Variants in PRKAR2A observed in about 807,000 individuals in gnomAD.
PRKAR2A encodes protein kinase cAMP-dependent type II regulatory subunit alpha, also known as cAMP-dependent protein kinase type II-alpha regulatory subunit.
In PRKAR2A, 29 loss-of-function variants were observed where a neutral mutation model predicts 51.9. The ratio of observed to expected loss-of-function variants is 0.56; its 90% CI spans 0.42 to 0.76. The LOEUF (loss-of-function observed/expected upper bound fraction) is 0.76, where lower values mean the gene tolerates loss of function less well. PRKAR2A is among the 30% of genes least tolerant of loss of function. PRKAR2A has a pLI of 0.00. For synonymous variants in PRKAR2A, 178 were observed against 186.2 expected (o/e 0.96, Z 0.36); for missense variants, 445 against 512.1 (o/e 0.87, Z 1.26).
At position 48,789,308 on chromosome 3, in the gene PRKAR2A, A is replaced by T. The variant is rs114134011; in HGVS notation, c.435+1236T>A. 4.1e-3 allele frequency among the ~76,000 whole-genome samples: 619 copies of T among 152,178 alleles called. 8 individuals are homozygous for T. Among genetic ancestry groups the T allele is most frequent in the African/African-American group, 0.014 (596 of 41,548 alleles). ...GAAACCACAGATAGTGTTGAACCCT[A>T]CTGATGTCAATTGGAACACATTTCT... On this transcript the variant is annotated intron_variant, in intron 4 of 10. Coordinates refer to ENST00000265563, the MANE Select transcript of PRKAR2A (RefSeq NM_004157.4).
intron 5 of PRKAR2A, among the ~76,000 whole-genome samples, chr3:48,776,337 GA>G (rs1186384293): frequency 9.2e-5 from 14 of 152,028 alleles, no homozygotes; most frequent in Non-Finnish European, 1.8e-4. Flanking sequence ...CATTCCAAAA[GA>G]GATAATCAAA....
intron 1 of PRKAR2A, among the ~76,000 whole-genome samples, chr3:48,835,965 C>A (rs1201402456): frequency 6.6e-6 from 1 of 152,078 alleles, no homozygotes; most frequent in African/African-American, 2.4e-5. Context: ...AGTCTAGAAA[C>A]TGACTCACAT....
Position 48,747,041 on chromosome 3 carries a change from CTTTTTTTTTT to C in PRKAR2A, c.*4534_*4543del, listed in dbSNP as rs11358464. The C allele has an allele frequency of 1.1e-5, 1 of 88,370 alleles. No homozygotes were observed. Among genetic ancestry groups the C allele is most frequent in the African/African-American group, 4.4e-5 (1 of 22,742 alleles). The allele number at this position is 88,370 out of a possible 1,614,324, so 5.5% of individuals were successfully genotyped here. Reference sequence around the variant, plus strand: ...CATGAGGTTAGTGACAGTTCTTGTCCTTTTTTTTTTTTTTTTTTTTTTTTTTAAAGTATAA... The same window carrying C: ...CATGAGGTTAGTGACAGTTCTTGTCCTTTTTTTTTTTTTTTTAAAGTATAA... On this transcript the variant is annotated 3_prime_UTR_variant, in exon 11 of 11. Coordinates refer to ENST00000265563, the MANE Select transcript of PRKAR2A (RefSeq NM_004157.4).
In PRKAR2A at chr3:48,787,543, T is replaced by C. The variant is rs117092536; in HGVS notation, c.435+3001A>G. On this transcript the variant is annotated intron_variant, in intron 4 of 10. Coordinates refer to ENST00000265563, the MANE Select transcript of PRKAR2A (RefSeq NM_004157.4). ...CTCCAACTCTAAGAAAACTGTTAGA[T>C]TGACATAGAAACTTTCCTTATAGTA... Among the ~76,000 whole-genome samples, 22 of 152,298 alleles carry C rather than the reference T, an allele frequency of 1.4e-4. No homozygotes were observed. In the East Asian group the frequency reaches 2.5e-3, roughly 17 times the overall value.
intron 4 of PRKAR2A, 105 bp downstream of exon 4, chr3:48,790,439 C>T (rs925959641): frequency 4.4e-6 from 3 of 680,550 alleles, no homozygotes; most frequent in South Asian, 2.9e-5. Flanking sequence ...AGGTTTTATG[C>T]TTAACACGGC....
Position 48,751,617 on chromosome 3 carries a change from A to C in PRKAR2A, c.1183T>G (p.Ser395Ala), listed in dbSNP as rs1311011907. ...CCGAGGTTGCCCAGATCCACGCTGG[A>C]GCCAAACATCTTCACCAGCTGTTCC... The part of the protein sequence containing the change: ...YEEQLVKMFG[S>A]SVDLGNLGQ Residue 395 changes from serine (S) to alanine (A), a missense_variant, in exon 11 of 11, where the codon TCC becomes GCC. Coordinates refer to ENST00000265563, the MANE Select transcript of PRKAR2A (RefSeq NM_004157.4). The C allele has an allele frequency of 6.2e-7, 1 of 1,613,542 alleles. No individual in the cohort carries two copies.
chr3:48,788,704 T>G (rs1276676345), intron 4 of PRKAR2A, among the ~76,000 whole-genome samples: 1 of 152,044 alleles, frequency 6.6e-6, no homozygotes, highest in Non-Finnish European at 1.5e-5. Flanking sequence ...CCTCCCTCCT[T>G]CCACCATGTG....
chr3:48,785,637 T>A (rs1444598732), intron 4 of PRKAR2A, among the ~76,000 whole-genome samples: 1 of 152,162 alleles, frequency 6.6e-6, no homozygotes, highest in Non-Finnish European at 1.5e-5. Flanking sequence ...CTTCAAGTGA[T>A]CCACCTGCCT....
intron 1 of PRKAR2A, among the ~76,000 whole-genome samples, chr3:48,832,786 T>C (rs1294338939): frequency 6.6e-6 from 1 of 152,206 alleles, no homozygotes; most frequent in Non-Finnish European, 1.5e-5. Flanking sequence ...ATTATTTTCC[T>C]ACAAGTTGCT....
At chr3:48,832,243 G>A (rs1039879079) in intron 1 of PRKAR2A, among the ~76,000 whole-genome samples, 2 of 147,606 alleles carry the variant, frequency 1.4e-5, no homozygotes, top group East Asian at 2.0e-4. Context: ...GCAGCGAGCC[G>A]AGATCATGCC....
Position 48,765,069 on chromosome 3 carries a change from G to A in PRKAR2A, c.808C>T (p.Arg270Ter), listed in dbSNP as rs199701451. The A allele has an allele frequency of 5.0e-6, 8 of 1,613,920 alleles. No homozygotes were observed. Among genetic ancestry groups the A allele is most frequent in the Non-Finnish European group, 4.2e-6 (5 of 1,179,918 alleles). The stretch of plus-strand genomic sequence containing the variant: ...CCTATTACATCCACAATCTTCATTC[G>A]TTCTGACACCTGAAACAACAAATTC... Reference protein sequence around the residue: ...PLLKSLEVSERMKIVDVIGEK... With the variant: ...PLLKSLEVSE Residue 270 changes from arginine to a stop codon, truncating the protein, a stop_gained, in exon 8 of 11, where the codon CGA becomes TGA. Transcript: ENST00000265563. LOFTEE classifies it high-confidence loss of function.
chr3:48,766,598 A>G (rs2081946922), intron 6 of PRKAR2A, among the ~76,000 whole-genome samples: 1 of 152,108 alleles, frequency 6.6e-6, no homozygotes, highest in African/African-American at 2.4e-5. Flanking sequence ...TAAAAAGTCT[A>G]CAGTTCAAGA....
chr3:48,829,111 T>C (rs2083122386), intron 1 of PRKAR2A, among the ~76,000 whole-genome samples: 4 of 151,912 alleles, frequency 2.6e-5, no homozygotes, highest in Admixed American at 1.3e-4. Context: ...GCTGGGATTA[T>C]AGGCGTGAGC....
At chr3:48,829,847 G>GTGTATATA (rs777532795) in intron 1 of PRKAR2A, among the ~76,000 whole-genome samples, 1,591 of 63,542 alleles carry the variant, frequency 0.025, 29 homozygotes, top group Non-Finnish European at 0.033. Context: ...ATGCGTGTGT[G>GTGTATATA]TATATATATA....
intron 1 of PRKAR2A, among the ~76,000 whole-genome samples, chr3:48,846,010 A>G (rs561190642): frequency 2.0e-5 from 3 of 151,964 alleles, no homozygotes; most frequent in Admixed American, 1.3e-4. Context: ...ACAGTCTCCA[A>G]CTTGTTTCCT....
intron 5 of PRKAR2A, among the ~76,000 whole-genome samples, chr3:48,782,693 C>A (rs569002792): frequency 6.6e-6 from 1 of 152,096 alleles, no homozygotes; most frequent in Non-Finnish European, 1.5e-5. Flanking sequence ...TCACCTCAAG[C>A]GATCCACCGG....
intron 5 of PRKAR2A, among the ~76,000 whole-genome samples, chr3:48,780,749 T>C (rs2082182048): frequency 6.6e-6 from 1 of 151,964 alleles, no homozygotes; most frequent in African/African-American, 2.4e-5. Context: ...AACCAATGTA[T>C]CTAGTACAGC....
rs1039646727 is a variant in PRKAR2A, at chr3:48,847,601, G to T, written c.-5C>A. 6.8e-7 allele frequency: 1 copy of T among 1,478,728 alleles called. No homozygotes were observed. The highest frequency in any genetic ancestry group is 8.9e-7 in the Non-Finnish European group (1 of 1,122,032). The allele number at this position is 1,478,728 out of a possible 1,614,324, so 91.6% of individuals were successfully genotyped here. ...CGGGATCTGGATGTGGCTCATGCCG[G>T]CGGCGGCCGAAGGGATAGACGGGTT... On this transcript the variant is annotated 5_prime_UTR_variant, in exon 1 of 11. Coordinates refer to ENST00000265563, the MANE Select transcript of PRKAR2A (RefSeq NM_004157.4). The surrounding 1 kb of genome is among the most constrained non-coding windows in gnomAD (Gnocchi z 4.4).
intron 2 of PRKAR2A, 57 bp from the exon 3 acceptor site, chr3:48,794,106 G>T: frequency 7.6e-7 from 1 of 1,314,494 alleles, no homozygotes. Flanking sequence ...GTGGCTTTAG[G>T]AAAAATAGGA....
Sources: gnomAD v4.1 joint callset for allele counts (sites outside exome capture counted in the v4.1 genomes callset) on GRCh38, gnomAD v4.1.1 for gene constraint, Gnocchi (gnomAD v3.1) non-coding constraint, MANE v1.5 for transcripts, NCBI Gene and HGNC (gene_info 2026-07-23, HGNC 2026-07-21) for gene names.